Variants in CSMD3 observed in about 807,000 individuals in gnomAD.
The protein encoded by CSMD3 is CUB and Sushi multiple domains 3, also known as CUB and sushi domain-containing protein 3.
Under a neutral mutation model 435.2 loss-of-function variants are expected in CSMD3, and 177 were observed. That is an observed-to-expected ratio of 0.41 (90% CI 0.36 to 0.46). The LOEUF (loss-of-function observed/expected upper bound fraction) is 0.46, where lower values mean the gene tolerates loss of function less well. Among genes scored for constraint, CSMD3 ranks in the 20% least tolerant of loss-of-function variants. The probability of loss-of-function intolerance (pLI) is 0.34; values close to 1 mark genes in which losing one functional copy is unlikely to be tolerated. For missense variants in CSMD3, 4,265 were observed against 4,504.6 expected (o/e 0.95, Z 1.52); for synonymous variants, 1,656 against 1,520.5 (o/e 1.09, Z -2.07).
At chr8:112,499,151 A>C (rs1352541183) in intron 30 of CSMD3, among the ~76,000 whole-genome samples, 1 of 152,152 alleles carries the variant, frequency 6.6e-6, no homozygotes, top group African/African-American at 2.4e-5. Context: ...ATTAGGTAGC[A>C]AGTGGAAGAT....
At chr8:112,362,915 T>A (rs1170021769) in intron 38 of CSMD3, among the ~76,000 whole-genome samples, 1 of 151,884 alleles carries the variant, frequency 6.6e-6, no homozygotes, top group African/African-American at 2.4e-5. Context: ...AGGAGGGAAG[T>A]GTTTTTCTCA....
intron 10 of CSMD3, among the ~76,000 whole-genome samples, chr8:112,872,353 C>T (rs2081159682): frequency 6.6e-6 from 1 of 151,854 alleles, no homozygotes; most frequent in African/African-American, 2.4e-5. Context: ...TAAAAGAAAG[C>T]ATATAAATGT....
intron 9 of CSMD3, among the ~76,000 whole-genome samples, chr8:112,924,769 A>G (rs2082859644): frequency 6.6e-6 from 1 of 152,092 alleles, no homozygotes; most frequent in South Asian, 2.1e-4. Flanking sequence ...AAAGTAGTTT[A>G]GAGTAGTGGT....
chr8:113,234,784 C>A (rs1353141145), intron 3 of CSMD3, among the ~76,000 whole-genome samples: 5 of 152,102 alleles, frequency 3.3e-5, no homozygotes, highest in African/African-American at 1.2e-4. Flanking sequence ...AATGGTGTAT[C>A]TATGGAATGA....
intron 27 of CSMD3, among the ~76,000 whole-genome samples, chr8:112,544,673 T>C (rs1826993835): frequency 6.6e-6 from 1 of 152,196 alleles, no homozygotes; most frequent in Non-Finnish European, 1.5e-5. Context: ...CTATTCTGGA[T>C]CATTTTCTGT....
At chr8:112,823,401 A>C (rs2079583044) in intron 12 of CSMD3, among the ~76,000 whole-genome samples, 1 of 152,018 alleles carries the variant, frequency 6.6e-6, no homozygotes, top group Non-Finnish European at 1.5e-5. Flanking sequence ...CATTTCTTTT[A>C]ATTGTGATGT....
intron 64 of CSMD3, 43 bp downstream of exon 64, chr8:112,246,977 A>G (rs1292492686): frequency 7.4e-7 from 1 of 1,358,996 alleles, no homozygotes; most frequent in Admixed American, 1.7e-5. Context: ...ATGCATATAA[A>G]TTCTTACCCA....
chr8:112,262,423 A>T (rs540091449), intron 61 of CSMD3, among the ~76,000 whole-genome samples: 1 of 152,126 alleles, frequency 6.6e-6, no homozygotes, highest in Non-Finnish European at 1.5e-5. Context: ...AAACAAAAAA[A>T]ATTCTCTGCT....
intron 47 of CSMD3, among the ~76,000 whole-genome samples, 159 bp downstream of exon 47, chr8:112,318,678 T>A (rs1279898892): frequency 1.3e-5 from 2 of 152,106 alleles, no homozygotes; most frequent in African/African-American, 2.4e-5. Flanking sequence ...AACAGTGGAC[T>A]ATTTCTAAAT....
At chr8:112,591,191 T>C (rs1586750660) in intron 22 of CSMD3, among the ~76,000 whole-genome samples, 2 of 152,090 alleles carry the variant, frequency 1.3e-5, no homozygotes, top group Non-Finnish European at 2.9e-5. Context: ...TATAAAATAT[T>C]TTTTTATTTA....
chr8:112,457,128 C>G (rs557779403), intron 32 of CSMD3, among the ~76,000 whole-genome samples: 24 of 152,228 alleles, frequency 1.6e-4, no homozygotes, highest in Non-Finnish European at 2.9e-4. Context: ...TCTAGTGCCC[C>G]TACCTCATTT....
At chr8:112,824,735 C>T (rs1162092670) in intron 12 of CSMD3, among the ~76,000 whole-genome samples, 1 of 152,152 alleles carries the variant, frequency 6.6e-6, no homozygotes, top group Non-Finnish European at 1.5e-5. Context: ...CTGCCCTTAA[C>T]ATTTTTTATT....
At chr8:112,449,370 A>T (rs1390164786) in intron 32 of CSMD3, among the ~76,000 whole-genome samples, 3 of 152,180 alleles carry the variant, frequency 2.0e-5, no homozygotes, top group African/African-American at 7.2e-5. Flanking sequence ...TAGCATCAAC[A>T]CCATTTTACC....
intron 22 of CSMD3, among the ~76,000 whole-genome samples, chr8:112,595,403 A>G (rs1324417403): frequency 2.4e-5 from 3 of 124,276 alleles, no homozygotes. Flanking sequence ...TGTACCTGAA[A>G]GTGATGGGGA....
At chr8:112,995,333 T>G (rs1311203970) in intron 6 of CSMD3, among the ~76,000 whole-genome samples, 1 of 151,472 alleles carries the variant, frequency 6.6e-6, no homozygotes, top group African/African-American at 2.4e-5. Flanking sequence ...CATTTAGTTT[T>G]GGTATAATAA....
intron 1 of CSMD3, among the ~76,000 whole-genome samples, chr8:113,435,645 G>T (rs1412309606): frequency 6.6e-6 from 1 of 151,816 alleles, no homozygotes; most frequent in Non-Finnish European, 1.5e-5. Context: ...AGACACCCGG[G>T]ATTTGAAACT....
At chr8:113,010,276 T>C (rs2086208572) in intron 6 of CSMD3, among the ~76,000 whole-genome samples, 1 of 151,836 alleles carries the variant, frequency 6.6e-6, no homozygotes, top group African/African-American at 2.4e-5. Context: ...TCATGGGCTA[T>C]CAAGAAACTT....
At chr8:113,384,595 G>A (rs537950537) in intron 1 of CSMD3, among the ~76,000 whole-genome samples, 6 of 152,272 alleles carry the variant, frequency 3.9e-5, no homozygotes, top group East Asian at 1.9e-4. Context: ...CCAAAGATCT[G>A]AGACCCAGTT....
intron 32 of CSMD3, among the ~76,000 whole-genome samples, chr8:112,471,493 C>A (rs1046642060): frequency 6.6e-6 from 1 of 152,072 alleles, no homozygotes; most frequent in Non-Finnish European, 1.5e-5. Flanking sequence ...CAAAAACAGA[C>A]ACTTTGCTAA....
Sources: allele counts gnomAD v4.1 joint callset (sites outside exome capture counted in the v4.1 genomes callset), GRCh38; gene constraint gnomAD v4.1.1; transcripts MANE v1.5; gene names NCBI Gene and HGNC (gene_info 2026-07-23, HGNC 2026-07-21).